ANO3: variants seen among roughly 807,000 people sequenced by gnomAD.
ANO3 encodes the protein anoctamin 3.
ANO3 carries 99 observed loss-of-function variants against 144.8 expected under a neutral mutation model. That is an observed-to-expected ratio of 0.68 (90% CI 0.58 to 0.81). ANO3 has a LOEUF of 0.81. Ranked by LOEUF, ANO3 falls within the 30% of genes least tolerant of loss-of-function variation. The probability of loss-of-function intolerance (pLI) is 0.00; values close to 1 mark genes in which losing one functional copy is unlikely to be tolerated. For synonymous variants in ANO3, 414 were observed against 392.6 expected (o/e 1.05, Z -0.64); for missense variants, 905 against 1,202.2 (o/e 0.75, Z 3.66).
chr11:26,474,146 T>A, intron 4 of ANO3: 3 of 964,542 alleles, frequency 3.1e-6, no homozygotes, highest in Non-Finnish European at 3.7e-6. Flanking sequence ...TAAAAGTGCA[T>A]CAATCTAGGA....
chr11:26,288,654 G>A (rs1853864156), intron 1 of ANO3, among the ~76,000 whole-genome samples: 1 of 152,030 alleles, frequency 6.6e-6, no homozygotes, highest in African/African-American at 2.4e-5. Flanking sequence ...TGGAGCAATA[G>A]GGAAAGAAAA....
At chr11:26,546,446 G>C (rs1255204181) in intron 11 of ANO3, among the ~76,000 whole-genome samples, 1 of 151,924 alleles carries the variant, frequency 6.6e-6, no homozygotes, top group Non-Finnish European at 1.5e-5. Flanking sequence ...TATGACAAGA[G>C]AATCTTCTTC....
At chr11:26,583,945 G>A (rs987414624) in intron 14 of ANO3, among the ~76,000 whole-genome samples, 3 of 152,062 alleles carry the variant, frequency 2.0e-5, no homozygotes, top group African/African-American at 7.2e-5. Flanking sequence ...TTTTTTCTCC[G>A]TATTCAGACA....
At chr11:26,250,554 A>T (rs921723034) in intron 1 of ANO3, among the ~76,000 whole-genome samples, 1 of 152,124 alleles carries the variant, frequency 6.6e-6, no homozygotes, top group African/African-American at 2.4e-5. Flanking sequence ...TGTTGGATTC[A>T]TCACTGCCCT....
At chr11:26,282,495 C>T (rs11029465) in intron 1 of ANO3, among the ~76,000 whole-genome samples, 9,140 of 152,098 alleles carry the variant, frequency 0.06, 508 homozygotes, top group African/African-American at 0.15. Context: ...TTTTATTCCA[C>T]TTCTTCTCGG....
chr11:26,358,745 T>A (rs1855851192), intron 1 of ANO3, among the ~76,000 whole-genome samples: 1 of 152,134 alleles, frequency 6.6e-6, no homozygotes, highest in Non-Finnish European at 1.5e-5. Flanking sequence ...TTAAGCTATA[T>A]GAAGTTTTCC....
intron 1 of ANO3, among the ~76,000 whole-genome samples, chr11:26,431,468 C>T (rs142627522): frequency 1.3e-5 from 2 of 152,244 alleles, no homozygotes; most frequent in South Asian, 2.1e-4. Flanking sequence ...GAGATAAACT[C>T]GTGCCACAGG....
intron 4 of ANO3, among the ~76,000 whole-genome samples, chr11:26,498,762 T>A (rs1463761649): frequency 6.6e-6 from 1 of 151,790 alleles, no homozygotes; most frequent in African/African-American, 2.4e-5. Flanking sequence ...CGAACTAGTA[T>A]TCTGCTTTTG....
At chr11:26,246,129 T>C (rs961998385) in intron 1 of ANO3, among the ~76,000 whole-genome samples, 10 of 152,262 alleles carry the variant, frequency 6.6e-5, no homozygotes, top group South Asian at 6.2e-4. Context: ...CCTTAAGGCA[T>C]CTTCAGTTCA....
chr11:26,297,822 G>A (rs903341718), intron 1 of ANO3, among the ~76,000 whole-genome samples: 4 of 152,124 alleles, frequency 2.6e-5, no homozygotes, highest in African/African-American at 4.8e-5. Flanking sequence ...TATTCATGCC[G>A]TTGTTTATAT....
chr11:26,451,315 G>T (rs533224135), intron 3 of ANO3, among the ~76,000 whole-genome samples: 186 of 152,326 alleles, frequency 1.2e-3, no homozygotes, highest in African/African-American at 4.3e-3. Context: ...AGGGGTCAGG[G>T]AGTTCCCTTT....
intron 1 of ANO3, among the ~76,000 whole-genome samples, chr11:26,326,730 A>C (rs1472086930): frequency 1.3e-5 from 2 of 152,184 alleles, no homozygotes; most frequent in Non-Finnish European, 2.9e-5. Context: ...CTAAACAACC[A>C]AAAATACACA....
chr11:26,589,490 G>T (rs560636987), intron 14 of ANO3, among the ~76,000 whole-genome samples: 2 of 150,422 alleles, frequency 1.3e-5, no homozygotes, highest in East Asian at 2.0e-4. Flanking sequence ...CAATTCAATG[G>T]GTTTTTTGCA....
intron 10 of ANO3, 89 bp from the exon 11 acceptor site, chr11:26,541,858 A>C: frequency 7.9e-7 from 1 of 1,270,746 alleles, no homozygotes; most frequent in African/African-American, 1.5e-5. Context: ...TAAGTTGTTA[A>C]ATTATTCTGC....
At chr11:26,538,299 G>T (rs774447528) in intron 10 of ANO3, among the ~76,000 whole-genome samples, 1 of 152,126 alleles carries the variant, frequency 6.6e-6, no homozygotes, top group South Asian at 2.1e-4. Context: ...TATCAAAGGC[G>T]CAGTTTTGAG....
chr11:26,325,457 AT>A (rs1196324736), intron 1 of ANO3, among the ~76,000 whole-genome samples: 3 of 152,214 alleles, frequency 2.0e-5, no homozygotes, highest in Non-Finnish European at 2.9e-5. Flanking sequence ...ATGATTAACT[AT>A]TCAGTGATAT....
intron 1 of ANO3, among the ~76,000 whole-genome samples, chr11:26,205,096 T>G (rs1414950751): frequency 6.6e-6 from 1 of 152,088 alleles, no homozygotes; most frequent in Non-Finnish European, 1.5e-5. Flanking sequence ...TCATATCTCA[T>G]GAGAACTCAC....
intron 1 of ANO3, among the ~76,000 whole-genome samples, chr11:26,332,995 T>C (rs935014745): frequency 6.6e-6 from 1 of 152,206 alleles, no homozygotes; most frequent in Non-Finnish European, 1.5e-5. Flanking sequence ...CTTTGATCTT[T>C]GTTTCTTATT....
chr11:26,319,530 G>A (rs1314461016), intron 1 of ANO3, among the ~76,000 whole-genome samples: 1 of 152,070 alleles, frequency 6.6e-6, no homozygotes, highest in East Asian at 1.9e-4. Flanking sequence ...CTTGACATAC[G>A]GGTCATCACT....
Sources: gnomAD v4.1 joint callset for allele counts (sites outside exome capture counted in the v4.1 genomes callset) on GRCh38, gnomAD v4.1.1 for gene constraint, MANE v1.5 for transcripts, NCBI Gene and HGNC (gene_info 2026-07-23, HGNC 2026-07-21) for gene names.